The following CLYBL variants were observed in gnomAD, a reference collection of about 807,000 sequenced individuals.
CLYBL encodes citramalyl-CoA lyase, mitochondrial.
CLYBL carries 31 observed loss-of-function variants against 38.9 expected under a neutral mutation model. The observed-to-expected ratio is 0.80, with a 90% CI of 0.60 to 1.08. CLYBL has a LOEUF of 1.08. Among genes scored for constraint, CLYBL ranks in the 50% least tolerant of loss-of-function variants. CLYBL has a pLI of 0.00. For missense variants in CLYBL, 434 were observed against 411.6 expected (o/e 1.05, Z -0.47); for synonymous variants, 171 against 158.6 (o/e 1.08, Z -0.59).
intron 2 of CLYBL, chr13:99,783,874 A>T (rs1165724129): frequency 8.3e-6 from 1 of 120,690 alleles, no homozygotes; most frequent in Non-Finnish European, 1.6e-5. Flanking sequence ...TGCCTCAAGA[A>T]AACATAACAT....
chr13:99,608,633 A>C (rs980447302), intron 1 of CLYBL, among the ~76,000 whole-genome samples: 1 of 152,058 alleles, frequency 6.6e-6, no homozygotes, highest in African/African-American at 2.4e-5. Context: ...CACAGTCCCC[A>C]CGCCAGTACG....
chr13:99,630,720 G>T (rs1227528786), intron 1 of CLYBL, among the ~76,000 whole-genome samples: 1 of 151,998 alleles, frequency 6.6e-6, no homozygotes, highest in Non-Finnish European at 1.5e-5. Context: ...CCCCAGCTCT[G>T]CCCTCTCTTA....
intron 1 of CLYBL, among the ~76,000 whole-genome samples, chr13:99,628,185 C>T (rs1440639415): frequency 6.6e-6 from 1 of 152,102 alleles, no homozygotes; most frequent in African/African-American, 2.4e-5. Context: ...TAATATTTTC[C>T]ACTAGTTATT....
At position 99,832,475 on chromosome 13, in the gene CLYBL, G is replaced by A. The variant is rs568364476; in HGVS notation, c.250-26386G>A. ...GGTAGAAGAAGCCAACGTATAGACA[G>A]GGCATGTCATTGGATAGTGATAAGA... On this transcript the variant is annotated intron_variant, in intron 2 of 8. Coordinates refer to ENST00000339105, the MANE Select transcript of CLYBL (RefSeq NM_206808.5). Among the ~76,000 whole-genome samples, 14 of 152,282 alleles carry A rather than the reference G, an allele frequency of 9.2e-5. No individual in the cohort carries two copies. The South Asian group carries it at 2.9e-3, about 32-fold the overall frequency.
At chr13:99,648,469 C>T (rs2047207620) in intron 1 of CLYBL, among the ~76,000 whole-genome samples, 1 of 152,126 alleles carries the variant, frequency 6.6e-6, no homozygotes, top group South Asian at 2.1e-4. Context: ...TCCTGCTAGC[C>T]CTGGTTTTTT....
At chr13:99,663,715 G>C (rs113683790) in intron 1 of CLYBL, among the ~76,000 whole-genome samples, 9 of 152,170 alleles carry the variant, frequency 5.9e-5, no homozygotes, top group Non-Finnish European at 1.2e-4. Context: ...TGTCACCTTT[G>C]TGCGGAAGCC....
chr13:99,838,294 T>C (rs2139108977), intron 2 of CLYBL, among the ~76,000 whole-genome samples: 1 of 152,324 alleles, frequency 6.6e-6, no homozygotes, highest in Admixed American at 6.5e-5. Context: ...TATGTTATTT[T>C]TATTCAAAAA....
At chr13:99,652,851 A>G (rs1486868421) in intron 1 of CLYBL, among the ~76,000 whole-genome samples, 2 of 152,216 alleles carry the variant, frequency 1.3e-5, no homozygotes, top group Non-Finnish European at 2.9e-5. Flanking sequence ...AATCAAATCA[A>G]AACAATGGAT....
chr13:99,879,466 C>A (rs186998607), intron 7 of CLYBL, among the ~76,000 whole-genome samples: 1 of 152,198 alleles, frequency 6.6e-6, no homozygotes, highest in Non-Finnish European at 1.5e-5. Flanking sequence ...CCTCCTCCTC[C>A]GTGTAAGCCA....
intron 2 of CLYBL, among the ~76,000 whole-genome samples, chr13:99,808,115 T>A (rs1231282577): frequency 6.6e-6 from 1 of 152,174 alleles, no homozygotes; most frequent in Admixed American, 6.5e-5. Flanking sequence ...AAATGGGGTC[T>A]CACTCTGTCA....
intron 1 of CLYBL, among the ~76,000 whole-genome samples, chr13:99,735,290 C>T (rs1356283847): frequency 2.0e-5 from 3 of 152,204 alleles, no homozygotes; most frequent in Non-Finnish European, 2.9e-5. Context: ...AACTCCTGGG[C>T]TCAAGCCATC....
intron 1 of CLYBL, among the ~76,000 whole-genome samples, chr13:99,646,043 G>A (rs2047171806): frequency 6.6e-6 from 1 of 152,106 alleles, no homozygotes; most frequent in South Asian, 2.1e-4. Context: ...TATTAAAATA[G>A]TGGCACCCTG....
chr13:99,732,783 C>T (rs967777392), intron 1 of CLYBL, among the ~76,000 whole-genome samples: 14 of 152,256 alleles, frequency 9.2e-5, no homozygotes, highest in Admixed American at 2.0e-4. Flanking sequence ...CCATCAGTCT[C>T]GACAGGATAA....
chr13:99,674,720 C>A (rs1455449720), intron 1 of CLYBL, among the ~76,000 whole-genome samples: 2 of 151,980 alleles, frequency 1.3e-5, no homozygotes, highest in Non-Finnish European at 1.5e-5. Context: ...GAGGGGGAAC[C>A]AGCAAAGGAG....
At chr13:99,626,489 G>A (rs1352628027) in intron 1 of CLYBL, among the ~76,000 whole-genome samples, 1 of 152,176 alleles carries the variant, frequency 6.6e-6, no homozygotes, top group Non-Finnish European at 1.5e-5. Context: ...TGGCCTAAGT[G>A]TTAGTCCCAT....
At chr13:99,638,048 C>A (rs1289033602) in intron 1 of CLYBL, among the ~76,000 whole-genome samples, 1 of 141,714 alleles carries the variant, frequency 7.1e-6, no homozygotes, top group Admixed American at 7.6e-5. Context: ...ACTGCATTCT[C>A]GACCACCCAG....
chr13:99,902,009 A>C (rs539139119), downstream of CLYBL, among the ~76,000 whole-genome samples: 3 of 152,326 alleles, frequency 2.0e-5, no homozygotes, highest in African/African-American at 7.2e-5. Flanking sequence ...AGTCATAAGG[A>C]AGATGATGAT....
intron 7 of CLYBL, 109 bp downstream of exon 7, chr13:99,871,171 G>A: frequency 7.7e-7 from 1 of 1,292,730 alleles, no homozygotes; most frequent in South Asian, 1.2e-5. Flanking sequence ...CGTATCTGGA[G>A]AGGGGGGAAA....
chr13:99,775,298 G>A (rs1271872594), intron 2 of CLYBL, among the ~76,000 whole-genome samples: 2 of 152,176 alleles, frequency 1.3e-5, no homozygotes, highest in South Asian at 2.1e-4. Flanking sequence ...GGGTTCCGAA[G>A]CCATCCTTAT....
Sources: allele counts gnomAD v4.1 joint callset (sites outside exome capture counted in the v4.1 genomes callset), GRCh38; gene constraint gnomAD v4.1.1; transcripts MANE v1.5; gene names NCBI Gene and HGNC (gene_info 2026-07-23, HGNC 2026-07-21).